NKAIN3: variants seen among roughly 807,000 people sequenced by gnomAD.
The protein encoded by NKAIN3 is sodium/potassium transporting ATPase interacting 3.
Under a neutral mutation model 30.2 loss-of-function variants are expected in NKAIN3, and 25 were observed. That is an observed-to-expected ratio of 0.83 (90% confidence interval 0.60 to 1.16). NKAIN3 has a LOEUF of 1.16. Ranked by LOEUF, NKAIN3 falls within the 50% of genes most tolerant of loss-of-function variation. The pLI is 0.00. For synonymous variants in NKAIN3, 91 were observed against 89.6 expected, an observed-to-expected ratio of 1.02 and a Z score of -0.09; for missense variants, 225 against 254.1, an observed-to-expected ratio of 0.89 and a Z score of 0.78.
chr8:62,722,309 T>G (rs1815117920), intron 3 of NKAIN3, among the ~76,000 whole-genome samples: 1 of 152,246 alleles, frequency 6.6e-6, no homozygotes, highest in South Asian at 2.1e-4. Context: ...ATCATTCATT[T>G]TCTAATGAAT....
chr8:62,711,233 A>G (rs1005959520), intron 3 of NKAIN3, among the ~76,000 whole-genome samples: 1 of 152,192 alleles, frequency 6.6e-6, no homozygotes, highest in Non-Finnish European at 1.5e-5. Flanking sequence ...TCTTTTTGCA[A>G]TGAATTTCCC....
At chr8:62,259,879 G>T (rs1281627463) in intron 1 of NKAIN3, among the ~76,000 whole-genome samples, 2 of 152,164 alleles carry the variant, frequency 1.3e-5, no homozygotes, top group African/African-American at 4.8e-5. Flanking sequence ...GGAGACGAAG[G>T]TGAAGGTGGG....
At chr8:62,865,440 G>C (rs185793516) in intron 4 of NKAIN3, among the ~76,000 whole-genome samples, 1 of 152,140 alleles carries the variant, frequency 6.6e-6, no homozygotes, top group African/African-American at 2.4e-5. Context: ...TTGCTTTGAA[G>C]TACTGTTGTT....
intron 1 of NKAIN3, among the ~76,000 whole-genome samples, chr8:62,455,303 G>T (rs1805779669): frequency 6.6e-6 from 1 of 152,208 alleles, no homozygotes; most frequent in Admixed American, 6.5e-5. Flanking sequence ...TAAAGAAAGT[G>T]CGGTTCATGT....
chr8:62,814,667 C>T (rs372932922), intron 4 of NKAIN3, among the ~76,000 whole-genome samples: 17 of 151,776 alleles, frequency 1.1e-4, no homozygotes, highest in Admixed American at 3.3e-4. Flanking sequence ...GAAATAAAGA[C>T]GTTCTTTGAA....
intron 1 of NKAIN3, among the ~76,000 whole-genome samples, chr8:62,438,114 A>G (rs1180338439): frequency 6.6e-6 from 1 of 152,196 alleles, no homozygotes; most frequent in Non-Finnish European, 1.5e-5. Context: ...GCAGCTGTGC[A>G]GCTTCCAAGA....
At chr8:62,710,267 A>G (rs1175980413) in intron 3 of NKAIN3, among the ~76,000 whole-genome samples, 1 of 151,894 alleles carries the variant, frequency 6.6e-6, no homozygotes, top group African/African-American at 2.4e-5. Context: ...TTAAATCATT[A>G]TTTCTTTGTT....
intron 4 of NKAIN3, among the ~76,000 whole-genome samples, chr8:62,893,362 C>A (rs1036013428): frequency 6.6e-6 from 1 of 152,066 alleles, no homozygotes; most frequent in Non-Finnish European, 1.5e-5. Context: ...GAATTTAGGT[C>A]CAATTTTTCC....
intron 1 of NKAIN3, among the ~76,000 whole-genome samples, chr8:62,272,391 G>C (rs78311601): frequency 0.014 from 2,198 of 152,220 alleles, 48 homozygotes; most frequent in African/African-American, 0.048. Context: ...GAAGTCCTGT[G>C]CAACGAGGAA....
At chr8:62,334,000 T>C (rs1260179326) in intron 1 of NKAIN3, among the ~76,000 whole-genome samples, 1 of 152,058 alleles carries the variant, frequency 6.6e-6, no homozygotes, top group African/African-American at 2.4e-5. Context: ...AGAAACAGCA[T>C]ATAAAAGAGT....
intron 4 of NKAIN3, among the ~76,000 whole-genome samples, chr8:62,787,193 A>T (rs1430923838): frequency 6.6e-6 from 1 of 152,214 alleles, no homozygotes; most frequent in African/African-American, 2.4e-5. Flanking sequence ...TCCTCAAGCA[A>T]TAAATATATT....
At chr8:62,848,747 G>A (rs1586264400) in intron 4 of NKAIN3, among the ~76,000 whole-genome samples, 1 of 152,166 alleles carries the variant, frequency 6.6e-6, no homozygotes, top group African/African-American at 2.4e-5. Context: ...ACTTGAGCCA[G>A]TTTTCAAGGG....
intron 3 of NKAIN3, among the ~76,000 whole-genome samples, chr8:62,706,026 T>A (rs540625863): frequency 6.6e-6 from 1 of 152,268 alleles, no homozygotes; most frequent in South Asian, 2.1e-4. Context: ...TGAGCTACAT[T>A]GTAAGTTGAC....
chr8:62,417,864 C>A, intron 1 of NKAIN3, among the ~76,000 whole-genome samples: 1 of 152,010 alleles, frequency 6.6e-6, no homozygotes, highest in African/African-American at 2.4e-5. Context: ...GTATATTCTG[C>A]TTATTAATCC....
chr8:62,831,314 T>C (rs921448124), intron 4 of NKAIN3, among the ~76,000 whole-genome samples: 5 of 152,150 alleles, frequency 3.3e-5, no homozygotes, highest in Admixed American at 6.6e-5. Flanking sequence ...ACAAGAATTA[T>C]GGCTCCATGA....
intron 1 of NKAIN3, among the ~76,000 whole-genome samples, chr8:62,376,756 A>G (rs1817096581): frequency 6.6e-6 from 1 of 152,178 alleles, no homozygotes; most frequent in African/African-American, 2.4e-5. Context: ...TTTACACTCT[A>G]TTATTTAGGT....
At chr8:62,800,059 G>C (rs572725427) in intron 4 of NKAIN3, among the ~76,000 whole-genome samples, 2 of 152,250 alleles carry the variant, frequency 1.3e-5, no homozygotes, top group African/African-American at 4.8e-5. Flanking sequence ...GAAAGACTGG[G>C]AGGTGGGTGA....
chr8:62,521,970 C>T (rs933348483), intron 1 of NKAIN3, among the ~76,000 whole-genome samples: 5 of 152,038 alleles, frequency 3.3e-5, no homozygotes, highest in African/African-American at 1.2e-4. Flanking sequence ...TTGAGATTTG[C>T]CATGAATTTT....
At chr8:62,520,577 C>A (rs1413928746) in intron 1 of NKAIN3, among the ~76,000 whole-genome samples, 1 of 152,038 alleles carries the variant, frequency 6.6e-6, no homozygotes, top group Admixed American at 6.6e-5. Context: ...ACTTATATGT[C>A]ATAAGATTTA....
Sources: allele counts gnomAD v4.1 joint callset (sites outside exome capture counted in the v4.1 genomes callset), GRCh38; gene constraint gnomAD v4.1.1; transcripts MANE v1.5; gene names NCBI Gene and HGNC (gene_info 2026-07-23, HGNC 2026-07-21).